NFKBIZ: variants seen among roughly 807,000 people sequenced by gnomAD.
The protein encoded by NFKBIZ is NF-kappa-B inhibitor zeta.
In NFKBIZ, 19 loss-of-function variants were observed where a neutral mutation model predicts 76.8. That is an observed-to-expected ratio of 0.25 (90% CI 0.17 to 0.36). NFKBIZ has a LOEUF of 0.36. NFKBIZ is among the 10% of genes least tolerant of loss of function. The probability of loss-of-function intolerance (pLI) is 1.00; values close to 1 mark genes in which losing one functional copy is unlikely to be tolerated. For missense variants in NFKBIZ, 829 were observed against 910.9 expected (o/e 0.91, Z 1.16); for synonymous variants, 368 against 354.8 (o/e 1.04, Z -0.42).
rs988740851 is a variant in NFKBIZ at position 101,853,749 on chromosome 3, T to A, written c.1223T>A (p.Met408Lys). Residue 408 changes from methionine to lysine, a missense_variant, in exon 5 of 12, where the codon ATG becomes AAG. Transcript: ENST00000326172. ...SLPFSNMGNP[M>K]NTTQLGKSLF... The stretch of plus-strand genomic sequence containing the variant: ...CCATTCTCAAACATGGGAAATCCAA[T>A]GAACACCACACAGTTAGGGAAATCA... 5 of 1,614,100 alleles carry A rather than the reference T, an allele frequency of 3.1e-6. No homozygotes were observed. Among genetic ancestry groups the A allele is most frequent in the Non-Finnish European group, 4.2e-6 (5 of 1,180,050 alleles).
chr3:101,854,480 T>G, intron 5 of NFKBIZ, 98 bp from the exon 6 acceptor site: 1 of 727,450 alleles, frequency 1.4e-6, no homozygotes, highest in Non-Finnish European at 2.3e-6. Context: ...TACCAATATA[T>G]AAAAAGGGGG....
At chr3:101,857,693 T>C (rs550776275) in intron 11 of NFKBIZ, 4 of 985,312 alleles carry the variant, frequency 4.1e-6, no homozygotes, top group African/African-American at 3.5e-5. Context: ...TCAGGTAGTA[T>C]TCTGTGACAC....
At chr3:101,854,711 G>A (rs756758589) in intron 6 of NFKBIZ, 28 bp downstream of exon 6, 1 of 1,494,274 alleles carries the variant, frequency 6.7e-7, no homozygotes, top group South Asian at 1.1e-5. Context: ...GTCTGAAATG[G>A]CAAAGAGGGG....
intron 4 of NFKBIZ, 41 bp downstream of exon 4, chr3:101,853,030 T>G: frequency 6.2e-7 from 1 of 1,613,004 alleles, no homozygotes; most frequent in Non-Finnish European, 8.5e-7. Flanking sequence ...CCTTTGGAAA[T>G]TATTCCTGGG....
Position 101,860,583 on chromosome 3 carries a change from AAGTC to A in NFKBIZ, c.*1216_*1219del, listed in dbSNP as rs1311360000. On this transcript the variant is annotated 3_prime_UTR_variant, in exon 12 of 12. Coordinates refer to ENST00000326172, the MANE Select transcript of NFKBIZ (RefSeq NM_031419.4). ...TTTTTACCTTTATTGAAACAACAAA[AAGTC>A]AGTATTGAAACATATCTTCCTGTTT... 1.3e-5 allele frequency: 2 copies of A among 152,150 alleles called. No homozygotes were observed. Among genetic ancestry groups the A allele is most frequent in the Non-Finnish European group, 2.9e-5 (2 of 68,020 alleles). The allele number at this position is 152,150 out of a possible 1,614,324, so 9.4% of individuals were successfully genotyped here. A position where few individuals can be genotyped will look rare whatever the true frequency, so the allele number is the denominator to read the frequency against.
chr3:101,852,796 T>C, intron 3 of NFKBIZ, 28 bp downstream of exon 3: 1 of 1,609,970 alleles, frequency 6.2e-7, no homozygotes, highest in Non-Finnish European at 8.5e-7. Flanking sequence ...TTGTAATTTT[T>C]TCAGGGCTTT....
Position 101,853,748 on chromosome 3 carries a change from A to G in NFKBIZ, c.1222A>G (p.Met408Val), listed in dbSNP as rs1943006079. The change falls in exon 5 of 12, where the codon ATG becomes GTG. Residue 408 changes from methionine (M) to valine (V), a missense_variant. Met to Val is a conservative substitution (Grantham distance 21). Around this residue, in one of 4 missense-constraint regions of NFKBIZ, gnomAD observed 272 missense variants for 384.2 expected, o/e 0.71. Transcript: ENST00000326172. ...GCCATTCTCAAACATGGGAAATCCA[A>G]TGAACACCACACAGTTAGGGAAATC... The part of the protein sequence containing the change: ...SLPFSNMGNP[M>V]NTTQLGKSLF... 1.2e-6 allele frequency: 2 copies of G among 1,614,226 alleles called. No individual in the cohort carries two copies. The highest frequency in any genetic ancestry group is 2.2e-5 in the South Asian group (2 of 91,086).
chr3:101,858,188 A>G, intron 11 of NFKBIZ: 4 of 985,368 alleles, frequency 4.1e-6, no homozygotes, highest in Non-Finnish European at 2.4e-6. Flanking sequence ...TTTACTAATC[A>G]CAAAATAAAA....
At position 101,860,200 on chromosome 3, in the gene NFKBIZ, G is replaced by A. The variant is rs577145602; in HGVS notation, c.*829G>A. On this transcript the variant is annotated 3_prime_UTR_variant, in exon 12 of 12. Coordinates refer to ENST00000326172, the MANE Select transcript of NFKBIZ (RefSeq NM_031419.4). ...GCATGCTTTTTTTTTTTTTTCTCCC[G>A]AGACAGGGTCTTGCTCTGGCGCCCA... 2.7e-5 allele frequency: 4 copies of A among 146,410 alleles called. No individual in the cohort carries two copies. Among genetic ancestry groups the A allele is most frequent in the African/African-American group, 7.6e-5 (3 of 39,502 alleles). The allele number at this position is 146,410 out of a possible 1,614,324, so 9.1% of individuals were successfully genotyped here. A position where few individuals can be genotyped will look rare whatever the true frequency, so the allele number is the denominator to read the frequency against.
In NFKBIZ at chr3:101,855,225, C is replaced by T; in HGVS notation, c.1590+17C>T. ...GTGCTTCAGGTAAGAGGCAGCAAACCAGGCTTCCATCATTGCAAGGCCAGA... is the reference window on the plus strand; with the variant it reads ...GTGCTTCAGGTAAGAGGCAGCAAACTAGGCTTCCATCATTGCAAGGCCAGA... On this transcript the variant is annotated intron_variant, in intron 7 of 11. Coordinates refer to ENST00000326172, the MANE Select transcript of NFKBIZ (RefSeq NM_031419.4). The T allele has an allele frequency of 6.2e-7, 1 of 1,602,364 alleles. No individual in the cohort carries two copies.
upstream of NFKBIZ, among the ~76,000 whole-genome samples, chr3:101,845,011 T>TA (rs2107405756): frequency 6.6e-6 from 1 of 152,224 alleles, no homozygotes; most frequent in Admixed American, 6.5e-5. Context: ...CTCACGCCTG[T>TA]AATCTCAGCA....
chr3:101,857,685 A>G (rs1218174742), intron 11 of NFKBIZ: 1 of 985,344 alleles, frequency 1.0e-6, no homozygotes, highest in Non-Finnish European at 1.2e-6. Context: ...GTTAGAGGTC[A>G]GGTAGTATTC....
At position 101,853,717 on chromosome 3, in the gene NFKBIZ, T is replaced by G. The variant is rs1236051674; in HGVS notation, c.1191T>G (p.Thr397=). ...AGATGGCCTCTGACTCTTCAAACAC[T>G]TCACTGCCATTCTCAAACATGGGAA... ...GHEMASDSSN[T]SLPFSNMGNP... is the part of the protein sequence containing the mutation. Residue 397 remains threonine (T), a synonymous_variant, in exon 5 of 12, where the codon ACT becomes ACG. Coordinates refer to ENST00000326172, the MANE Select transcript of NFKBIZ (RefSeq NM_031419.4). 6.2e-7 allele frequency: 1 copy of G among 1,614,218 alleles called. No individual in the cohort carries two copies.
At chr3:101,845,165 G>A (rs1257401863), upstream of NFKBIZ, among the ~76,000 whole-genome samples, 1 of 151,802 alleles carries the variant, frequency 6.6e-6, no homozygotes, top group Non-Finnish European at 1.5e-5. Context: ...CTACTCGGGA[G>A]GCTAAGGCAG....
Position 101,853,539 on chromosome 3 carries a change from A to G in NFKBIZ, c.1013A>G (p.Gln338Arg). Reference sequence around the variant, plus strand: ...CCAGAATCACAGTTTTGCCCAAACCAAAGCTTAGTTTCCCTTCTTGGTGAT... The same window carrying G: ...CCAGAATCACAGTTTTGCCCAAACCGAAGCTTAGTTTCCCTTCTTGGTGAT... Reference protein sequence around the residue: ...DGPESQFCPNQSLVSLLGDQR... With the variant: ...DGPESQFCPNRSLVSLLGDQR... The change falls in exon 5 of 12, where the codon CAA (glutamine) becomes CGA (arginine). Residue 338 changes from glutamine to arginine, a missense_variant. Physicochemically the swap from Gln to Arg is conservative, Grantham distance 43 (BLOSUM62 1). This residue lies in a region of NFKBIZ where 371 missense variants were observed against 332.3 expected (regional missense o/e 1.12). Transcript: ENST00000326172. 4.3e-6 allele frequency: 7 copies of G among 1,614,224 alleles called. No individual in the cohort carries two copies. Among genetic ancestry groups the G allele is most frequent in the African/African-American group, 1.3e-5 (1 of 75,056 alleles).
At chr3:101,840,993 T>C (rs558643714) in intron 2 of NFKBIZ, among the ~76,000 whole-genome samples, 1 of 152,242 alleles carries the variant, frequency 6.6e-6, no homozygotes, top group South Asian at 2.1e-4. Context: ...ATATGCAAAG[T>C]TGTACATACT....
upstream of NFKBIZ, among the ~76,000 whole-genome samples, chr3:101,845,471 T>A (rs1012008023): frequency 2.0e-5 from 3 of 151,902 alleles, no homozygotes; most frequent in African/African-American, 7.3e-5. Context: ...TTTTTAAATT[T>A]TTTATTTTAT....
At chr3:101,843,046 A>AC (rs1686638864) in intron 2 of NFKBIZ, among the ~76,000 whole-genome samples, 1 of 150,882 alleles carries the variant, frequency 6.6e-6, no homozygotes, top group Non-Finnish European at 1.5e-5. Context: ...AAAAAAAAAA[A>AC]AACTTCATGC....
At position 101,859,334 on chromosome 3, in the gene NFKBIZ, A is replaced by C. The variant is rs756758535; in HGVS notation, c.2120A>C (p.Lys707Thr). The C allele has an allele frequency of 2.5e-6, 4 of 1,613,728 alleles. No individual in the cohort carries two copies. In the Admixed American group the frequency reaches 6.7e-5, roughly 27 times the overall value. The change falls in exon 12 of 12, where the codon AAG (lysine) becomes ACG (threonine). Residue 707 changes from lysine (K) to threonine (T), a missense_variant. Lys to Thr is a moderately conservative substitution (Grantham distance 78, BLOSUM62 -1). Around this residue, in one of 4 missense-constraint regions of NFKBIZ, gnomAD observed 272 missense variants for 384.2 expected, o/e 0.71. Coordinates refer to ENST00000326172, the MANE Select transcript of NFKBIZ (RefSeq NM_031419.4). ...PVGEQIRRIL[K>T]GKSIQQRAPP... ...CTCTTCCAGATCCGACGTATCCTGA[A>C]GGGAAAGTCCATTCAGCAGAGAGCT...
Sources: allele counts gnomAD v4.1 joint callset (sites outside exome capture counted in the v4.1 genomes callset), GRCh38; gene constraint gnomAD v4.1.1; regional missense constraint gnomAD v4.1.1; transcripts MANE v1.5; gene names NCBI Gene and HGNC (gene_info 2026-07-23, HGNC 2026-07-21).